ENTREP2: variants seen among roughly 807,000 people sequenced by gnomAD.
ENTREP2 encodes endosomal transmembrane epsin interactor 2.
At chr15:29,439,602 C>G in the ENTREP2 span, among the ~76,000 whole-genome samples, 2 of 152,088 alleles carry the variant, frequency 1.3e-5, no homozygotes, top group Non-Finnish European at 2.9e-5. Flanking sequence ...GCTGCTGGGC[C>G]CAGATCCACT....
the ENTREP2 span, among the ~76,000 whole-genome samples, chr15:29,282,746 G>A: frequency 5.3e-5 from 8 of 152,286 alleles, no homozygotes; most frequent in East Asian, 1.9e-4. Flanking sequence ...GTTTTAACCC[G>A]AGGCTGTAGA....
chr15:29,133,858 G>A, the ENTREP2 span, among the ~76,000 whole-genome samples: 1 of 152,110 alleles, frequency 6.6e-6, no homozygotes, highest in Admixed American at 6.5e-5. Context: ...ACCCAGACAG[G>A]TCAACACCCA....
chr15:29,335,038 C>T, the ENTREP2 span, among the ~76,000 whole-genome samples: 3 of 152,176 alleles, frequency 2.0e-5, no homozygotes, highest in African/African-American at 4.8e-5. Context: ...AGATCCCAAA[C>T]GTATGGCCCC....
the ENTREP2 span, among the ~76,000 whole-genome samples, chr15:29,479,477 C>T: frequency 6.6e-6 from 1 of 152,064 alleles, no homozygotes; most frequent in Non-Finnish European, 1.5e-5. Context: ...TACAGCAGCA[C>T]ATCGCAATCA....
chr15:29,391,991 A>T, the ENTREP2 span, among the ~76,000 whole-genome samples: 2 of 151,760 alleles, frequency 1.3e-5, no homozygotes, highest in African/African-American at 4.8e-5. Context: ...TGCCTGGCTA[A>T]TTTTTTTTCC....
At chr15:29,661,315 C>T in the ENTREP2 span, among the ~76,000 whole-genome samples, 2 of 152,120 alleles carry the variant, frequency 1.3e-5, no homozygotes, top group African/African-American at 4.8e-5. Flanking sequence ...ATTGTCCTGC[C>T]TCAGCCTCCC....
chr15:29,508,320 A>C, the ENTREP2 span, among the ~76,000 whole-genome samples: 1 of 152,242 alleles, frequency 6.6e-6, no homozygotes, highest in Non-Finnish European at 1.5e-5. Flanking sequence ...TACCAGAGGC[A>C]CAAAGAGGAG....
the ENTREP2 span, among the ~76,000 whole-genome samples, chr15:29,457,827 C>A: frequency 4.6e-3 from 693 of 152,262 alleles, 4 homozygotes; most frequent in African/African-American, 0.015. Context: ...AAGGACCACA[C>A]GAACCCCAAA....
the ENTREP2 span, among the ~76,000 whole-genome samples, chr15:29,409,649 G>A: frequency 1.3e-5 from 2 of 148,400 alleles, no homozygotes. Flanking sequence ...TTTTTTTAAA[G>A]ACAGGGTCTC....
chr15:29,358,697 C>T, the ENTREP2 span, among the ~76,000 whole-genome samples: 1 of 151,590 alleles, frequency 6.6e-6, no homozygotes, highest in Admixed American at 6.6e-5. Context: ...TTCCTACAGT[C>T]TAAATATTTA....
the ENTREP2 span, chr15:29,268,699 G>T: frequency 7.6e-7 from 1 of 1,317,834 alleles, no homozygotes; most frequent in Non-Finnish European, 1.0e-6. Context: ...ACAGCAATAT[G>T]CTCCCTGGGT....
the ENTREP2 span, chr15:29,123,406 G>A: frequency 6.5e-7 from 1 of 1,550,054 alleles, no homozygotes; most frequent in African/African-American, 1.4e-5. Context: ...GTTGGTGACA[G>A]CCAAGCGCAT....
chr15:29,530,717 T>A, the ENTREP2 span, among the ~76,000 whole-genome samples: 70 of 152,364 alleles, frequency 4.6e-4, no homozygotes, highest in Admixed American at 2.4e-3. Flanking sequence ...CACAGAAACA[T>A]ACATTATTTT....
the ENTREP2 span, among the ~76,000 whole-genome samples, chr15:29,436,353 G>A: frequency 1.3e-5 from 2 of 152,198 alleles, no homozygotes; most frequent in South Asian, 4.1e-4. Flanking sequence ...CAGAGGACAT[G>A]GACTTCCTGA....
At chr15:29,404,474 C>A in the ENTREP2 span, among the ~76,000 whole-genome samples, 2 of 151,934 alleles carry the variant, frequency 1.3e-5, no homozygotes, top group Non-Finnish European at 2.9e-5. Context: ...GTCCCAGGAA[C>A]CCCCTTCAGC....
At chr15:29,441,541 G>A in the ENTREP2 span, among the ~76,000 whole-genome samples, 1 of 152,122 alleles carries the variant, frequency 6.6e-6, no homozygotes, top group Non-Finnish European at 1.5e-5. Context: ...ATTGTTGAGG[G>A]ACAGTTATGC....
the ENTREP2 span, among the ~76,000 whole-genome samples, chr15:29,522,641 C>A: frequency 6.6e-6 from 1 of 152,134 alleles, no homozygotes; most frequent in South Asian, 2.1e-4. Flanking sequence ...AGGAGCCTTG[C>A]AAACCAATAG....
At chr15:29,312,972 C>T in the ENTREP2 span, among the ~76,000 whole-genome samples, 1 of 152,206 alleles carries the variant, frequency 6.6e-6, no homozygotes, top group Non-Finnish European at 1.5e-5. Flanking sequence ...ATTAAAAGTG[C>T]TACTCCAGTG....
the ENTREP2 span, among the ~76,000 whole-genome samples, chr15:29,195,531 A>T: frequency 5.9e-5 from 9 of 151,804 alleles, no homozygotes; most frequent in Admixed American, 5.9e-4. Context: ...TTATTTATCC[A>T]TTTTTTTCTT....
Sources: allele counts gnomAD v4.1 joint callset (sites outside exome capture counted in the v4.1 genomes callset), GRCh38; gene constraint gnomAD v4.1.1; transcripts MANE v1.5; gene names NCBI Gene and HGNC (gene_info 2026-07-23, HGNC 2026-07-21).